MAPT: variants seen among roughly 807,000 people sequenced by gnomAD.
MAPT encodes microtubule associated protein tau, also known as microtubule-associated protein tau.
MAPT carries 34 observed loss-of-function variants against 67.9 expected under a neutral mutation model. That is an observed-to-expected ratio of 0.50 (90% confidence interval 0.38 to 0.67). The LOEUF (loss-of-function observed/expected upper bound fraction) is 0.67, where lower values mean the gene tolerates loss of function less well. MAPT is among the 30% of genes least tolerant of loss of function. The probability of loss-of-function intolerance (pLI) is 0.00; values close to 1 mark genes in which losing one functional copy is unlikely to be tolerated. For missense variants in MAPT, 881 were observed against 1,115.2 expected (o/e 0.79, Z 2.99); for synonymous variants, 456 against 464.5 (o/e 0.98, Z 0.23).
At chr17:45,964,626 G>A (rs62063287) in intron 2 of MAPT, among the ~76,000 whole-genome samples, 2 of 151,648 alleles carry the variant, frequency 1.3e-5, no homozygotes, top group African/African-American at 4.8e-5. Context: ...GGAGGTTGCC[G>A]TGAGCCAAGA....
rs1190546785 is a variant in MAPT at position 46,024,905 on chromosome 17, C to G, written c.*734C>G. On this transcript the variant is annotated 3_prime_UTR_variant, in exon 13 of 13. Transcript: ENST00000262410. Reference sequence around the variant, plus strand: ...GCCTGCTGTGGGTCAGTGTGCCACCCTCTGCAGGGCAGCCTGTGGGAGAAG... The same window carrying G: ...GCCTGCTGTGGGTCAGTGTGCCACCGTCTGCAGGGCAGCCTGTGGGAGAAG... 6.5e-6 allele frequency: 1 copy of G among 154,976 alleles called. No homozygotes were observed. Among genetic ancestry groups the G allele is most frequent in the Non-Finnish European group, 1.4e-5 (1 of 69,840 alleles). 9.6% of individuals were successfully genotyped at this position (154,976 alleles called of 1,614,324 possible).
chr17:45,945,588 G>A (rs949632438), intron 1 of MAPT, among the ~76,000 whole-genome samples: 37 of 152,168 alleles, frequency 2.4e-4, no homozygotes, highest in Non-Finnish European at 4.7e-4. Flanking sequence ...CAAGGCAGGC[G>A]GATCACTTGA....
At chr17:45,930,867 G>A (rs938600157) in intron 1 of MAPT, among the ~76,000 whole-genome samples, 4 of 152,240 alleles carry the variant, frequency 2.6e-5, no homozygotes, top group East Asian at 1.9e-4. Context: ...GGGACTACAC[G>A]CTGTCGCTGC....
At chr17:45,941,689 T>TCCCTCCTTCCTG (rs1198783408) in intron 1 of MAPT, among the ~76,000 whole-genome samples, 3 of 59,706 alleles carry the variant, frequency 5.0e-5, no homozygotes, top group African/African-American at 2.8e-4. Flanking sequence ...CCTCCTTCCT[T>TCCCTCCTTCCTG]CCTTCCTTCC....
At position 46,014,313 on chromosome 17, in the gene MAPT, A is replaced by G; in HGVS notation, c.2162A>G (p.His721Arg). 1 of 1,613,738 alleles carries G rather than the reference A, an allele frequency of 6.2e-7. No individual in the cohort carries two copies. Among genetic ancestry groups the G allele is most frequent in the Middle Eastern group, 1.6e-4 (1 of 6,062 alleles). The change falls in exon 11 of 13, where the codon CAT (histidine) becomes CGT (arginine). Residue 721 changes from histidine to arginine, a missense_variant. Transcript: ENST00000262410. ...AAGTGTGGCTCATTAGGCAACATCC[A>G]TCATAAACCAGGTAGCCCTGTGGAA... ...TSKCGSLGNI[H>R]HKPGGGQVEV... is the part of the protein sequence containing the mutation.
intron 1 of MAPT, among the ~76,000 whole-genome samples, chr17:45,905,986 G>A (rs765190611): frequency 3.3e-5 from 5 of 152,154 alleles, no homozygotes; most frequent in East Asian, 1.9e-4. Context: ...CTCCCTTAGC[G>A]TCAGTCAGAC....
chr17:45,927,253 C>A (rs2066429003), intron 1 of MAPT, among the ~76,000 whole-genome samples: 1 of 152,078 alleles, frequency 6.6e-6, no homozygotes. Context: ...AATTTCATTT[C>A]TTTTCTGTTG....
chr17:46,013,489 G>A (rs527733408), intron 10 of MAPT, among the ~76,000 whole-genome samples: 2 of 152,338 alleles, frequency 1.3e-5, no homozygotes, highest in South Asian at 2.1e-4. Context: ...GTGTGTCTGC[G>A]TCCGCTCGAG....
chr17:45,905,367 G>A (rs1030971881), intron 1 of MAPT, among the ~76,000 whole-genome samples: 2 of 152,116 alleles, frequency 1.3e-5, no homozygotes, highest in Non-Finnish European at 2.9e-5. Flanking sequence ...GGCCAGTGGC[G>A]GCTGCACTCT....
intron 7 of MAPT, chr17:45,990,470 C>G (rs761831415): frequency 2.3e-6 from 1 of 435,034 alleles, no homozygotes; most frequent in Non-Finnish European, 4.5e-6. Context: ...AAAAATTAGC[C>G]GGGCGTGGTG....
intron 1 of MAPT, among the ~76,000 whole-genome samples, chr17:45,951,523 A>ATCTC (rs146803931): frequency 6.1e-5 from 9 of 148,202 alleles, no homozygotes; most frequent in African/African-American, 1.2e-4. Flanking sequence ...CTTTGTTCTC[A>ATCTC]TCTCTCTCTC....
At chr17:45,913,841 CG>C (rs762762266) in intron 1 of MAPT, among the ~76,000 whole-genome samples, 1 of 152,128 alleles carries the variant, frequency 6.6e-6, no homozygotes, top group Non-Finnish European at 1.5e-5. Context: ...CTGCCCTGGC[CG>C]GGGGGTTCTC....
rs914822076 is a variant in MAPT, at chr17:45,971,470, A to G, written c.134-389A>G. 6.6e-6 allele frequency among the ~76,000 whole-genome samples: 1 copy of G among 152,150 alleles called. No homozygotes were observed. Among genetic ancestry groups the G allele is most frequent in the Non-Finnish European group, 1.5e-5 (1 of 68,026 alleles). On this transcript the variant is annotated intron_variant, in intron 2 of 12. Transcript: ENST00000262410. The surrounding 1 kb of genome is among the most constrained non-coding windows in gnomAD (Gnocchi z 4.3). ...TCGCTGAGTGTTTTTCCAGGTGTCTACTTGTTGTTAATTAATAGCAATGAC... is the reference window on the plus strand; with the variant it reads ...TCGCTGAGTGTTTTTCCAGGTGTCTGCTTGTTGTTAATTAATAGCAATGAC...
chr17:45,934,199 G>C (rs2067120296), intron 1 of MAPT, among the ~76,000 whole-genome samples: 1 of 152,036 alleles, frequency 6.6e-6, no homozygotes, highest in Non-Finnish European at 1.5e-5. Context: ...AATTAGCCAG[G>C]CATGGTAGCA....
At chr17:45,985,376 G>C (rs2073436471) in intron 5 of MAPT, among the ~76,000 whole-genome samples, 1 of 152,148 alleles carries the variant, frequency 6.6e-6, no homozygotes, top group Non-Finnish European at 1.5e-5. Flanking sequence ...TTCCAAAACA[G>C]TAGGGGACAA....
At chr17:46,016,854 G>C (rs1190675598) in intron 11 of MAPT, among the ~76,000 whole-genome samples, 2 of 152,212 alleles carry the variant, frequency 1.3e-5, no homozygotes, top group Non-Finnish European at 2.9e-5. Context: ...GTGCTGTCCA[G>C]TATAGTAGCC....
At chr17:45,946,202 T>A (rs1165450868) in intron 1 of MAPT, among the ~76,000 whole-genome samples, 2 of 152,064 alleles carry the variant, frequency 1.3e-5, no homozygotes. Context: ...TTCAGGCAGA[T>A]TAAAGTGGTG....
At chr17:45,967,169 G>T (rs998309891) in intron 2 of MAPT, among the ~76,000 whole-genome samples, 1 of 152,220 alleles carries the variant, frequency 6.6e-6, no homozygotes, top group African/African-American at 2.4e-5. Flanking sequence ...CTGAAAAGTA[G>T]ATGAAAGTTG....
rs182340972 is a variant in MAPT at position 45,943,904 on chromosome 17, T to C, written c.-17-18417T>C. On this transcript the variant is annotated intron_variant, in intron 1 of 12. Transcript: ENST00000262410. Reference sequence around the variant, plus strand: ...GAAGTTGCCCCTTGTTTCTCTCCTCTCCAGGGCTGCCCCAGAGCTGCCTCT... The same window carrying C: ...GAAGTTGCCCCTTGTTTCTCTCCTCCCCAGGGCTGCCCCAGAGCTGCCTCT... Among the ~76,000 whole-genome samples the C allele has an allele frequency of 7.1e-3, 1,081 of 152,240 alleles. 17 individuals are homozygous for C. Among genetic ancestry groups the C allele is most frequent in the Non-Finnish European group, 5.9e-3 (403 of 68,014 alleles).
Sources: gnomAD v4.1 joint callset for allele counts (sites outside exome capture counted in the v4.1 genomes callset) on GRCh38, gnomAD v4.1.1 for gene constraint, Gnocchi (gnomAD v3.1) non-coding constraint, MANE v1.5 for transcripts, NCBI Gene and HGNC (gene_info 2026-07-23, HGNC 2026-07-21) for gene names.